Variants in MAN1C1 observed in about 807,000 individuals in gnomAD.
MAN1C1 encodes mannosyl-oligosaccharide 1,2-alpha-mannosidase IC.
In MAN1C1, 49 loss-of-function variants were observed where a neutral mutation model predicts 71.5. That is an observed-to-expected ratio of 0.69 (90% CI 0.54 to 0.87). The LOEUF (loss-of-function observed/expected upper bound fraction) is 0.87, where lower values mean the gene tolerates loss of function less well. MAN1C1 is among the 40% of genes least tolerant of loss of function. The pLI, the probability that MAN1C1 is intolerant of heterozygous loss-of-function variation, is 0.00. For missense variants in MAN1C1, 743 were observed against 835.0 expected (o/e 0.89, Z 1.36); for synonymous variants, 352 against 343.7 (o/e 1.02, Z -0.27).
rs1411573064 is a variant in MAN1C1 at position 25,748,325 on chromosome 1, G to T, written c.754-930G>T. Among the ~76,000 whole-genome samples, 3 of 152,180 alleles carry T rather than the reference G, an allele frequency of 2.0e-5. No individual in the cohort carries two copies. The East Asian group carries it at 5.8e-4, about 29-fold the overall frequency. On this transcript the variant is annotated intron_variant, in intron 3 of 11. Coordinates refer to ENST00000374332, the MANE Select transcript of MAN1C1 (RefSeq NM_020379.4). ...AAGCTGAAGGGGAGCGGTTTTGCAG[G>T]TGCTCTGTGGATGAAGAGCTCCCCC... is the stretch of plus-strand genomic sequence containing the variant.
At chr1:25,701,269 T>G (rs1041886369) in intron 2 of MAN1C1, among the ~76,000 whole-genome samples, 4 of 152,174 alleles carry the variant, frequency 2.6e-5, no homozygotes, top group Non-Finnish European at 5.9e-5. Flanking sequence ...TTTGCATTGT[T>G]GTCACAAAAG....
At position 25,725,765 on chromosome 1, in the gene MAN1C1, C is replaced by T. The variant is rs1025608324; in HGVS notation, c.638-20903C>T. Among the ~76,000 whole-genome samples, 1 of 152,190 alleles carries T rather than the reference C, an allele frequency of 6.6e-6. No homozygotes were observed. The highest frequency in any genetic ancestry group is 2.1e-4 in the South Asian group (1 of 4,830). On this transcript the variant is annotated intron_variant, in intron 2 of 11. Transcript: ENST00000374332. This position sits in a 1 kb window ranked among gnomAD's most constrained non-coding sequence, Gnocchi z 4.8. ...TGTTTGTTTTAATGGAAGTCGAAGG[C>T]GTGTGGCATTTGAGGGAGACTGCGC...
At chr1:25,756,606 C>T (rs1171653190) in intron 5 of MAN1C1, among the ~76,000 whole-genome samples, 1 of 152,094 alleles carries the variant, frequency 6.6e-6, no homozygotes, top group Non-Finnish European at 1.5e-5. Context: ...TCTCAGTTAG[C>T]CTTGGGGGAA....
At chr1:25,708,509 C>T (rs1300404000) in intron 2 of MAN1C1, among the ~76,000 whole-genome samples, 3 of 152,174 alleles carry the variant, frequency 2.0e-5, no homozygotes, top group African/African-American at 7.2e-5. Flanking sequence ...CCCCGCCCAT[C>T]TCATCCTGTG....
intron 1 of MAN1C1, among the ~76,000 whole-genome samples, chr1:25,618,755 C>A (rs1402871923): frequency 3.3e-5 from 5 of 152,102 alleles, no homozygotes; most frequent in Non-Finnish European, 1.5e-5. Context: ...CATTCTTTTT[C>A]ACTGTGTGAC....
chr1:25,757,258 G>A (rs1412774407), intron 5 of MAN1C1, among the ~76,000 whole-genome samples: 1 of 152,152 alleles, frequency 6.6e-6, no homozygotes, highest in East Asian at 1.9e-4. Context: ...GGCAGACAGG[G>A]GCCAGTTCCT....
At position 25,735,765 on chromosome 1, in the gene MAN1C1, G is replaced by A. The variant is rs1214697587; in HGVS notation, c.638-10903G>A. Among the ~76,000 whole-genome samples, 1 of 152,148 alleles carries A rather than the reference G, an allele frequency of 6.6e-6. No homozygotes were observed. Among genetic ancestry groups the A allele is most frequent in the Non-Finnish European group, 1.5e-5 (1 of 68,018 alleles). The stretch of plus-strand genomic sequence containing the variant: ...CTTCCTGGACCAGTGGCCATTTGAG[G>A]TTCATTCTTCTCATGGTGAAGGGTG... On this transcript the variant is annotated intron_variant, in intron 2 of 11. Coordinates refer to ENST00000374332, the MANE Select transcript of MAN1C1 (RefSeq NM_020379.4). This position sits in a 1 kb window ranked among gnomAD's most constrained non-coding sequence, Gnocchi z 4.6.
intron 2 of MAN1C1, among the ~76,000 whole-genome samples, chr1:25,700,684 C>G (rs1331076328): frequency 6.6e-6 from 1 of 152,170 alleles, no homozygotes; most frequent in African/African-American, 2.4e-5. Context: ...CATAAAGTTC[C>G]CCACAGTTCA....
At chr1:25,740,991 G>T (rs1557787566) in intron 2 of MAN1C1, among the ~76,000 whole-genome samples, 1 of 152,042 alleles carries the variant, frequency 6.6e-6, no homozygotes, top group Non-Finnish European at 1.5e-5. Flanking sequence ...CAGGGTCAAG[G>T]GTTGGGGGCC....
At chr1:25,678,153 T>G (rs80098676) in intron 1 of MAN1C1, among the ~76,000 whole-genome samples, 1 of 152,206 alleles carries the variant, frequency 6.6e-6, no homozygotes, top group African/African-American at 2.4e-5. Flanking sequence ...CACTCATACA[T>G]AGGCCAGTGA....
chr1:25,648,897 A>C (rs1233177602), intron 1 of MAN1C1, among the ~76,000 whole-genome samples: 1 of 152,232 alleles, frequency 6.6e-6, no homozygotes, highest in Non-Finnish European at 1.5e-5. Context: ...AGAGAAGGGA[A>C]GTTTTCTTTG....
intron 1 of MAN1C1, among the ~76,000 whole-genome samples, chr1:25,667,278 GT>G (rs1273518098): frequency 6.6e-6 from 1 of 152,064 alleles, no homozygotes; most frequent in African/African-American, 2.4e-5. Context: ...GAGGTCAGGA[GT>G]TTGAGACCAG....
intron 1 of MAN1C1, among the ~76,000 whole-genome samples, chr1:25,629,519 T>C (rs1366461965): frequency 6.6e-6 from 1 of 152,190 alleles, no homozygotes; most frequent in Non-Finnish European, 1.5e-5. Flanking sequence ...CACTGCAGCC[T>C]CCGCCTCCCA....
chr1:25,649,683 G>A (rs954131976), intron 1 of MAN1C1, among the ~76,000 whole-genome samples: 2 of 152,154 alleles, frequency 1.3e-5, no homozygotes, highest in African/African-American at 4.8e-5. Context: ...TGTCGCCCAG[G>A]CTGGAGTACA....
intron 2 of MAN1C1, among the ~76,000 whole-genome samples, chr1:25,737,902 T>C (rs1417056843): frequency 1.3e-5 from 2 of 152,054 alleles, no homozygotes; most frequent in African/African-American, 4.8e-5. Flanking sequence ...GGTGGTCTGA[T>C]GTGGGTCAAG....
At chr1:25,717,490 T>C (rs1411484843) in intron 2 of MAN1C1, among the ~76,000 whole-genome samples, 2 of 152,066 alleles carry the variant, frequency 1.3e-5, no homozygotes, top group Admixed American at 1.3e-4. Context: ...ACTACTGCGG[T>C]CCAACCTAGG....
At chr1:25,638,538 A>T (rs952743541) in intron 1 of MAN1C1, among the ~76,000 whole-genome samples, 2 of 152,246 alleles carry the variant, frequency 1.3e-5, no homozygotes, top group South Asian at 4.1e-4. Flanking sequence ...TCAGCATGAA[A>T]AATCCTTCTT....
intron 1 of MAN1C1, among the ~76,000 whole-genome samples, chr1:25,676,856 C>A (rs1175655448): frequency 6.6e-6 from 1 of 152,028 alleles, no homozygotes; most frequent in Non-Finnish European, 1.5e-5. Context: ...CAATGCTCAC[C>A]CCCTTCCTTC....
intron 2 of MAN1C1, among the ~76,000 whole-genome samples, chr1:25,699,731 G>T (rs566837201): frequency 6.6e-6 from 1 of 152,320 alleles, no homozygotes; most frequent in South Asian, 2.1e-4. Flanking sequence ...ATGACAGCCT[G>T]GTGCAGCCAG....
Sources: allele counts gnomAD v4.1 joint callset (sites outside exome capture counted in the v4.1 genomes callset), GRCh38; gene constraint gnomAD v4.1.1; non-coding constraint Gnocchi (gnomAD v3.1); transcripts MANE v1.5; gene names NCBI Gene and HGNC (gene_info 2026-07-23, HGNC 2026-07-21).